PCDH7: variants seen among roughly 807,000 people sequenced by gnomAD.
The protein encoded by PCDH7 is protocadherin-7.
PCDH7 carries 17 observed loss-of-function variants against 58.9 expected under a neutral mutation model. The ratio of observed to expected loss-of-function variants is 0.29; its 90% CI spans 0.20 to 0.43. PCDH7 has a LOEUF of 0.43. PCDH7 is among the 20% of genes least tolerant of loss of function. PCDH7 has a pLI of 1.00. For missense variants in PCDH7, 1,274 were observed against 1,441.0 expected, an observed-to-expected ratio of 0.88 and a Z score of 1.88; for synonymous variants, 664 against 616.4, an observed-to-expected ratio of 1.08 and a Z score of -1.14.
chr4:31,016,721 A>G (rs1376135579), intron 3 of PCDH7, among the ~76,000 whole-genome samples: 2 of 152,206 alleles, frequency 1.3e-5, no homozygotes, highest in African/African-American at 4.8e-5. Context: ...TTCATTGAAA[A>G]GACTCTTACA....
intron 3 of PCDH7, among the ~76,000 whole-genome samples, chr4:31,121,472 A>T (rs986378544): frequency 1.1e-4 from 16 of 152,190 alleles, no homozygotes; most frequent in African/African-American, 3.6e-4. Flanking sequence ...TTTAAGTCCG[A>T]TATCCTGTGC....
chr4:30,958,035 TAGAC>T (rs927380095), intron 3 of PCDH7, among the ~76,000 whole-genome samples: 3 of 152,024 alleles, frequency 2.0e-5, no homozygotes, highest in African/African-American at 7.2e-5. Flanking sequence ...TAAACTGTGA[TAGAC>T]AGAGGGTATT....
chr4:30,855,484 G>A (rs983565536), intron 1 of PCDH7, among the ~76,000 whole-genome samples: 1 of 152,130 alleles, frequency 6.6e-6, no homozygotes, highest in African/African-American at 2.4e-5. Flanking sequence ...CTTTCTTCCT[G>A]ATGAGAAATC....
intron 1 of PCDH7, among the ~76,000 whole-genome samples, chr4:30,849,478 C>A (rs573801553): frequency 6.9e-6 from 1 of 143,906 alleles, no homozygotes; most frequent in African/African-American, 2.8e-5. Context: ...AGATCTTCAG[C>A]GATGTTAAAT....
chr4:31,001,021 G>A (rs1219824652), intron 3 of PCDH7, among the ~76,000 whole-genome samples: 1 of 152,036 alleles, frequency 6.6e-6, no homozygotes, highest in Non-Finnish European at 1.5e-5. Flanking sequence ...TGGCGGCAGT[G>A]TGGGCAAAAG....
At chr4:30,905,030 G>A (rs186076712) in intron 1 of PCDH7, among the ~76,000 whole-genome samples, 1 of 152,094 alleles carries the variant, frequency 6.6e-6, no homozygotes, top group East Asian at 1.9e-4. Flanking sequence ...GATTTCACCA[G>A]GTGCAGTTTA....
chr4:31,018,777 T>G (rs1045697223), intron 3 of PCDH7, among the ~76,000 whole-genome samples: 2 of 152,178 alleles, frequency 1.3e-5, no homozygotes. Flanking sequence ...CCAACCATGA[T>G]TTTCTATTTC....
chr4:30,761,508 A>G (rs895331137), intron 1 of PCDH7, among the ~76,000 whole-genome samples: 2 of 152,104 alleles, frequency 1.3e-5, no homozygotes, highest in Non-Finnish European at 2.9e-5. Context: ...AAAATTATTA[A>G]TGAGATATTT....
intron 2 of PCDH7, among the ~76,000 whole-genome samples, chr4:30,931,826 T>A (rs1578331630): frequency 6.6e-5 from 1 of 15,166 alleles, no homozygotes; most frequent in South Asian, 1.8e-3. Context: ...TTCAGGACTT[T>A]TTTTTTTTTT....
intron 3 of PCDH7, among the ~76,000 whole-genome samples, chr4:30,994,386 C>T (rs558997604): frequency 2.6e-5 from 4 of 152,160 alleles, no homozygotes; most frequent in South Asian, 4.2e-4. Flanking sequence ...TGTACCTGTG[C>T]TTTGATCAAA....
chr4:30,817,660 G>A (rs1442463978), intron 1 of PCDH7, among the ~76,000 whole-genome samples: 1 of 151,918 alleles, frequency 6.6e-6, no homozygotes, highest in Non-Finnish European at 1.5e-5. Context: ...GCATTTTTCA[G>A]GATATGGTGG....
exon 2 of PCDH7, chr4:30,731,861 GC>G (rs1715553137): frequency 7.7e-5 from 1 of 13,068 alleles, no homozygotes; most frequent in Non-Finnish European, 1.5e-4. Flanking sequence ...GTGTTTATGA[GC>G]CTAGAAAATA....
chr4:30,751,903 C>T (rs1436613841), intron 1 of PCDH7, among the ~76,000 whole-genome samples: 1 of 152,124 alleles, frequency 6.6e-6, no homozygotes, highest in Non-Finnish European at 1.5e-5. Context: ...GAATGTCCTT[C>T]CTATTCGCTG....
intron 1 of PCDH7, among the ~76,000 whole-genome samples, chr4:30,896,955 A>C (rs1739499929): frequency 1.8e-5 from 2 of 114,258 alleles, no homozygotes; most frequent in Admixed American, 2.7e-4. Flanking sequence ...CCCAGGCTGG[A>C]GTGCAGTGGC....
chr4:31,018,741 T>C (rs1485533197), intron 3 of PCDH7, among the ~76,000 whole-genome samples: 2 of 152,232 alleles, frequency 1.3e-5, no homozygotes, highest in African/African-American at 4.8e-5. Context: ...TGTTTGCTTA[T>C]GTATTTGTTT....
In PCDH7 at chr4:31,124,131, A is replaced by T. The variant is rs77689294; in HGVS notation, c.*8-18342A>T. On this transcript the variant is annotated intron_variant, in intron 3 of 3. Transcript: ENST00000509759. ...GAGAAAAGGAATACAGGTTCTCATT[A>T]GGGCCGTGAGTCCAGCCTCGAGGGT... Among the ~76,000 whole-genome samples, 1,005 of 152,256 alleles carry T rather than the reference A, an allele frequency of 6.6e-3. 15 individuals carry two copies. The highest frequency in any genetic ancestry group is 0.023 in the African/African-American group (961 of 41,574).
intron 3 of PCDH7, among the ~76,000 whole-genome samples, chr4:31,103,306 T>G (rs980689032): frequency 2.6e-5 from 4 of 152,084 alleles, no homozygotes; most frequent in African/African-American, 9.6e-5. Flanking sequence ...GCATATAATT[T>G]TTTGGAAAAT....
rs1165341263 is a variant in PCDH7, at chr4:30,724,612, A to T, written c.3174+16A>T. 1.2e-6 allele frequency: 2 copies of T among 1,609,216 alleles called. No individual in the cohort carries two copies. Among genetic ancestry groups the T allele is most frequent in the Admixed American group, 3.3e-5 (2 of 59,770 alleles). On this transcript the variant is annotated intron_variant, in intron 1 of 1. Coordinates refer to ENST00000361762, the Ensembl canonical transcript of PCDH7. ...CAGCAAACAGGTAAGATGTATCCCAAATATATTTAAATATCCCAGGGAGGG... is the reference window on the plus strand; with the variant it reads ...CAGCAAACAGGTAAGATGTATCCCATATATATTTAAATATCCCAGGGAGGG...
rs146159955 is a variant in PCDH7 at position 30,781,341 on chromosome 4, C to T, written c.70+56745C>T. Reference sequence around the variant, plus strand: ...ATTTTTAGCACAGACAGAATTTCACCGTGTTAGCCAGGATGTTCTCGATCT... The same window carrying T: ...ATTTTTAGCACAGACAGAATTTCACTGTGTTAGCCAGGATGTTCTCGATCT... On this transcript the variant is annotated intron_variant, in intron 1 of 3. Transcript: ENST00000509759. Among the ~76,000 whole-genome samples the T allele has an allele frequency of 4.6e-3, 704 of 151,656 alleles. 4 individuals carry two copies. Among genetic ancestry groups the T allele is most frequent in the Non-Finnish European group, 6.9e-3 (470 of 67,888 alleles).
Sources: gnomAD v4.1 joint callset for allele counts (sites outside exome capture counted in the v4.1 genomes callset) on GRCh38, gnomAD v4.1.1 for gene constraint, MANE v1.5 for transcripts, NCBI Gene and HGNC (gene_info 2026-07-23, HGNC 2026-07-21) for gene names.